The following DNAJC17 variants were observed in gnomAD, a reference collection of about 807,000 sequenced individuals.
DNAJC17 encodes DnaJ heat shock protein family (Hsp40) member C17, also known as dnaJ homolog subfamily C member 17.
DNAJC17 carries 35 observed loss-of-function variants against 48.1 expected under a neutral mutation model. The ratio of observed to expected loss-of-function variants is 0.73; its 90% CI spans 0.56 to 0.96. DNAJC17 has a LOEUF of 0.96. Among genes scored for constraint, DNAJC17 ranks in the 50% least tolerant of loss-of-function variants. The probability of loss-of-function intolerance (pLI) is 0.00; values close to 1 mark genes in which losing one functional copy is unlikely to be tolerated. For synonymous variants in DNAJC17, 117 were observed against 142.7 expected, an observed-to-expected ratio of 0.82 and a Z score of 1.28; for missense variants, 355 against 377.1, an observed-to-expected ratio of 0.94 and a Z score of 0.48.
rs547929698 is a variant in DNAJC17, at chr15:40,796,154, C to A, written c.78+11215G>T. Among the ~76,000 whole-genome samples, 3 of 152,306 alleles carry A rather than the reference C, an allele frequency of 2.0e-5. No individual in the cohort carries two copies. In the South Asian group the frequency reaches 6.2e-4, roughly 32 times the overall value. On this transcript the variant is annotated intron_variant, in intron 1 of 10. Transcript: ENST00000220496. ...GCCCAAGAAAATAAGAATGCATGTT[C>A]ATCAATCACTCAACAAAGATTTATT...
intron 1 of DNAJC17, among the ~76,000 whole-genome samples, chr15:40,781,704 G>C (rs1175695455): frequency 6.6e-6 from 1 of 151,692 alleles, no homozygotes; most frequent in Admixed American, 6.6e-5. Context: ...GGTGGATCAC[G>C]AGGTCAGGAG....
chr15:40,799,224 C>CAAAAAAAA (rs34609538), intron 1 of DNAJC17, among the ~76,000 whole-genome samples: 1 of 44,362 alleles, frequency 2.3e-5, no homozygotes, highest in Non-Finnish European at 4.6e-5. Flanking sequence ...GACTCCATCT[C>CAAAAAAAA]AAAAAAAAAA....
At chr15:40,792,569 C>A (rs1889833965) in intron 1 of DNAJC17, 1 of 977,758 alleles carries the variant, frequency 1.0e-6, no homozygotes, top group Admixed American at 6.2e-5. Flanking sequence ...AATCCTGGCA[C>A]TTTGGGAGGC....
chr15:40,804,446 C>A (rs1485956041), intron 1 of DNAJC17, among the ~76,000 whole-genome samples: 3 of 149,458 alleles, frequency 2.0e-5, no homozygotes, highest in Non-Finnish European at 4.5e-5. Context: ...AAACACAAAA[C>A]AAATTAGCCA....
rs79217337 is a variant in DNAJC17 at position 40,767,872 on chromosome 15, TAAA to T, written c.*65_*67del. On this transcript the variant is annotated 3_prime_UTR_variant, in exon 11 of 11. Coordinates refer to ENST00000220496, the MANE Select transcript of DNAJC17 (RefSeq NM_018163.3). ...TATGTATGGGATAGAGGTAAAATCTTAAAAAAAAAAAAAATTTATTGGTGACGT... is the reference window on the plus strand; with the variant it reads ...TATGTATGGGATAGAGGTAAAATCTTAAAAAAAAAAATTTATTGGTGACGT... The T allele has an allele frequency of 7.2e-6, 9 of 1,243,382 alleles. No individual in the cohort carries two copies. Among genetic ancestry groups the T allele is most frequent in the South Asian group, 1.4e-5 (1 of 69,428 alleles). The allele number at this position is 1,243,382 out of a possible 1,614,324, so 77.0% of individuals were successfully genotyped here.
At chr15:40,807,149 A>T in intron 1 of DNAJC17, 2 of 1,169,284 alleles carry the variant, frequency 1.7e-6, no homozygotes, top group Non-Finnish European at 1.2e-6. Context: ...GAGCACAGCC[A>T]CCCGGCGCGA....
intron 9 of DNAJC17, 149 bp downstream of exon 9, chr15:40,774,207 C>G: frequency 1.1e-6 from 1 of 870,730 alleles, no homozygotes. Context: ...TTCCAGGAGT[C>G]AGGGGCCCCT....
chr15:40,768,029 G>A lies in DNAJC17; in HGVS notation c.826C>T (p.Leu276Phe). The change falls in exon 11 of 11, where the codon CTC becomes TTC. Residue 276 changes from leucine to phenylalanine, a missense_variant. By Grantham distance (22) the Leu-to-Phe change is conservative (BLOSUM62 0). Around this residue, in one of 3 missense-constraint regions of DNAJC17, gnomAD observed 88 missense variants for 67.7 expected, o/e 1.30. Coordinates refer to ENST00000220496, the MANE Select transcript of DNAJC17 (RefSeq NM_018163.3). ...GCCTGGCGCATGCGCATCATGACGA[G>A]GCTCTCGTAGTCCCTCTCTGACAGC... Reference protein sequence around the residue: ...SVLSERDYESLVMMRMRQAAE... With the variant: ...SVLSERDYESFVMMRMRQAAE... The A allele has an allele frequency of 6.3e-7, 1 of 1,595,080 alleles. No homozygotes were observed. Among genetic ancestry groups the A allele is most frequent in the Non-Finnish European group, 8.5e-7 (1 of 1,172,802 alleles).
chr15:40,775,686 G>T, intron 6 of DNAJC17, 90 bp from the exon 7 acceptor site: 1 of 1,377,896 alleles, frequency 7.3e-7, no homozygotes, highest in Non-Finnish European at 1.0e-6. Context: ...GAAGGGTCTG[G>T]AAAGGGTCAC....
At chr15:40,773,941 G>T in intron 9 of DNAJC17, 104 bp from the exon 10 acceptor site, 2 of 1,009,196 alleles carry the variant, frequency 2.0e-6, no homozygotes, top group Non-Finnish European at 1.5e-6. Context: ...AGCCCTCTAA[G>T]CAGAGATGCC....
At chr15:40,775,235 G>C (rs1479695864) in intron 7 of DNAJC17, 127 bp from the exon 8 acceptor site, 22 of 1,042,576 alleles carry the variant, frequency 2.1e-5, no homozygotes, top group Non-Finnish European at 3.0e-5. Flanking sequence ...AATCTGGGGA[G>C]TGCCACCAGA....
At chr15:40,793,241 ATCTT>A (rs1460338835) in intron 1 of DNAJC17, among the ~76,000 whole-genome samples, 3 of 152,032 alleles carry the variant, frequency 2.0e-5, no homozygotes, top group Non-Finnish European at 4.4e-5. Flanking sequence ...TCCCTTCAAG[ATCTT>A]GCATAAAAAC....
Position 40,768,030 on chromosome 15 carries a change from GCT to G in DNAJC17, c.823_824del (p.Ser275ProfsTer94), listed in dbSNP as rs1183625053. The G allele has an allele frequency of 6.3e-7, 1 of 1,594,710 alleles. No homozygotes were observed. Among genetic ancestry groups the G allele is most frequent in the Non-Finnish European group, 8.5e-7 (1 of 1,172,732 alleles). ...GSVLSERDYE[S>X]LVMMRMRQAA... ...CCTGGCGCATGCGCATCATGACGAG[GCT>G]CTCGTAGTCCCTCTCTGACAGCACT... On this transcript the variant is annotated frameshift_variant, in exon 11 of 11. Coordinates refer to ENST00000220496, the MANE Select transcript of DNAJC17 (RefSeq NM_018163.3). LOFTEE classifies it high-confidence loss of function.
chr15:40,798,085 C>T (rs1020998154), intron 1 of DNAJC17, among the ~76,000 whole-genome samples: 1 of 152,114 alleles, frequency 6.6e-6, no homozygotes. Context: ...CTGGAAACAA[C>T]CAAAATATTC....
intron 9 of DNAJC17, 60 bp from the exon 10 acceptor site, chr15:40,773,897 T>A: frequency 4.1e-6 from 6 of 1,453,506 alleles, no homozygotes; most frequent in Non-Finnish European, 5.7e-6. Context: ...AGAGGCTCTC[T>A]CTACCCCCAC....
chr15:40,790,154 G>A (rs980039033), intron 1 of DNAJC17, among the ~76,000 whole-genome samples: 158 of 152,264 alleles, frequency 1.0e-3, no homozygotes, highest in African/African-American at 3.7e-3. Flanking sequence ...GTCCCAGGCA[G>A]GTAAAATCTC....
chr15:40,804,724 G>A (rs57994257), intron 1 of DNAJC17, among the ~76,000 whole-genome samples: 44,460 of 152,188 alleles, frequency 0.29, 7,357 homozygotes, highest in South Asian at 0.45. Flanking sequence ...GATTTCAGCC[G>A]GGCGCGGTGG....
At chr15:40,773,129 T>C (rs1346608261) in intron 10 of DNAJC17, among the ~76,000 whole-genome samples, 2 of 152,024 alleles carry the variant, frequency 1.3e-5, no homozygotes, top group Non-Finnish European at 2.9e-5. Flanking sequence ...CCCAGCTGAT[T>C]TTTGTGTTTT....
intron 1 of DNAJC17, among the ~76,000 whole-genome samples, chr15:40,806,112 GTC>G (rs1268718695): frequency 6.6e-6 from 1 of 151,934 alleles, no homozygotes; most frequent in Admixed American, 6.6e-5. Context: ...GGCCCTCTGG[GTC>G]TCTCTGATTT....
Sources: allele counts gnomAD v4.1 joint callset (sites outside exome capture counted in the v4.1 genomes callset), GRCh38; gene constraint gnomAD v4.1.1; regional missense constraint gnomAD v4.1.1; transcripts MANE v1.5; gene names NCBI Gene and HGNC (gene_info 2026-07-23, HGNC 2026-07-21).